Variants in TRPM6 observed in about 807,000 individuals in gnomAD.
TRPM6 encodes the protein transient receptor potential cation channel subfamily M member 6, also known as channel kinase 2.
TRPM6 carries 111 observed loss-of-function variants against 247.6 expected under a neutral mutation model. The ratio of observed to expected loss-of-function variants is 0.45; its 90% confidence interval spans 0.38 to 0.52. The LOEUF is 0.52. Ranked by LOEUF, TRPM6 falls within the 20% of genes least tolerant of loss-of-function variation. The pLI is 0.00. For synonymous variants in TRPM6, 892 were observed against 853.8 expected, an observed-to-expected ratio of 1.04 and a Z score of -0.78; for missense variants, 2,126 against 2,421.5, an observed-to-expected ratio of 0.88 and a Z score of 2.56.
rs191712243 is a variant in TRPM6 at position 74,864,789 on chromosome 9, G to T, written c.34-6041C>A. On this transcript the variant is annotated intron_variant, in intron 1 of 38. Transcript: ENST00000360774. ...GCAAAGGCATTTAGAACCTTGGAAT[G>T]AGGCCTGGTGCAGTGGCTCATGCCT... Among the ~76,000 whole-genome samples the T allele has an allele frequency of 3.6e-3, 544 of 152,294 alleles. 5 individuals are homozygous for T. Among genetic ancestry groups the T allele is most frequent in the African/African-American group, 0.012 (504 of 41,560 alleles).
chr9:74,773,842 T>A (rs1274716037), intron 24 of TRPM6, among the ~76,000 whole-genome samples: 10 of 152,236 alleles, frequency 6.6e-5, no homozygotes, highest in African/African-American at 2.4e-4. Flanking sequence ...AGGTATACAG[T>A]GCTTTCTGAT....
intron 1 of TRPM6, among the ~76,000 whole-genome samples, chr9:74,870,764 A>C (rs1247111705): frequency 2.6e-5 from 4 of 152,064 alleles, no homozygotes; most frequent in Non-Finnish European, 5.9e-5. Context: ...TCTCTACTAA[A>C]AATACAAAAA....
At position 74,738,474 on chromosome 9, in the gene TRPM6, C is replaced by T. The variant is rs143047185; in HGVS notation, c.5709G>A (p.Leu1903=). 2.7e-5 allele frequency: 44 copies of T among 1,614,168 alleles called. No individual in the cohort carries two copies. The African/African-American group carries it at 4.8e-4, about 18-fold the overall frequency. ...EITPTNTLEE[L]MLAFSHWTYE... is the part of the protein sequence containing the mutation. ...AGGTCCAGTGAGAGAAAGCCAACAT[C>T]AGCTCCTCCAGGGTGTTGGTGGGGG... The change falls in exon 36 of 39, where the codon CTG becomes CTA. Residue 1903 remains leucine (L), a synonymous_variant. Coordinates refer to ENST00000360774, the MANE Select transcript of TRPM6 (RefSeq NM_017662.5).
intron 1 of TRPM6, chr9:74,875,107 C>G (rs1393827979): frequency 5.6e-6 from 2 of 359,716 alleles, no homozygotes; most frequent in Non-Finnish European, 1.2e-5. Context: ...TTAGCCTCTT[C>G]CAGTTGCAAA....
rs750811519 is a variant in TRPM6, at chr9:74,887,800, G to T, written c.33+24C>A. The T allele has an allele frequency of 2.5e-6, 4 of 1,614,044 alleles. No homozygotes were observed. In the South Asian group the frequency reaches 4.4e-5, roughly 18 times the overall value. ...GAATCGCCTAAGGTCCTTGTTCCCC[G>T]CCAGTCGAGCAGCCTGAGCTTACCT... On this transcript the variant is annotated intron_variant, in intron 1 of 38. Transcript: ENST00000360774.
Position 74,827,860 on chromosome 9 carries a change from A to G in TRPM6, c.759T>C (p.Asp253=). 1 of 1,614,088 alleles carries G rather than the reference A, an allele frequency of 6.2e-7. No individual in the cohort carries two copies. The highest frequency in any genetic ancestry group is 8.5e-7 in the Non-Finnish European group (1 of 1,180,016). The stretch of plus-strand genomic sequence containing the variant: ...CATTTCCATACTTGCCCACGGTCCC[A>G]TCATCAGACAGGATGAAGTGCGAGT... ...SMHSHFILSD[D]GTVGKYGNEM... Residue 253 remains aspartate (D), a synonymous_variant, in exon 7 of 39, where the codon GAT becomes GAC. Transcript: ENST00000360774.
chr9:74,806,630 A>G (rs1828536712), intron 14 of TRPM6, among the ~76,000 whole-genome samples: 1 of 152,218 alleles, frequency 6.6e-6, no homozygotes, highest in Non-Finnish European at 1.5e-5. Flanking sequence ...TATCAGGAAC[A>G]TGGATTTTTC....
At chr9:74,885,183 G>A (rs1044665311) in intron 1 of TRPM6, among the ~76,000 whole-genome samples, 1 of 152,116 alleles carries the variant, frequency 6.6e-6, no homozygotes, top group African/African-American at 2.4e-5. Flanking sequence ...CATGTAGGGA[G>A]GCATAATAAT....
At chr9:74,840,709 C>T (rs374102804) in intron 4 of TRPM6, among the ~76,000 whole-genome samples, 85 of 151,720 alleles carry the variant, frequency 5.6e-4, no homozygotes, top group African/African-American at 1.9e-3. Flanking sequence ...CCCAGCTACC[C>T]GGGTGACTGA....
intron 1 of TRPM6, among the ~76,000 whole-genome samples, chr9:74,881,675 T>A (rs992238122): frequency 1.3e-5 from 2 of 152,150 alleles, no homozygotes; most frequent in Admixed American, 1.3e-4. Flanking sequence ...ATAGACTATA[T>A]GGTAAAACAC....
intron 19 of TRPM6, among the ~76,000 whole-genome samples, chr9:74,789,482 T>A (rs1456150579): frequency 6.6e-6 from 1 of 152,204 alleles, no homozygotes; most frequent in Non-Finnish European, 1.5e-5. Flanking sequence ...CTTATCTTCT[T>A]AAGATATAGT....
intron 5 of TRPM6, among the ~76,000 whole-genome samples, chr9:74,835,143 G>T (rs1829681533): frequency 6.6e-6 from 1 of 152,104 alleles, no homozygotes; most frequent in African/African-American, 2.4e-5. Context: ...GTGTGAGATG[G>T]TATCTCATTG....
intron 14 of TRPM6, chr9:74,804,920 A>G: frequency 3.2e-6 from 1 of 312,900 alleles, no homozygotes; most frequent in Admixed American, 4.7e-5. Flanking sequence ...TATGGAAAAT[A>G]AAGTTTAAAG....
chr9:74,775,922 G>T lies in TRPM6; in HGVS notation c.3364C>A (p.Arg1122=). ...CCCTCTTCTTGGTCGTGAGGAGCTC[G>T]ATGACAGCACAGGCGGCGGAGGAGA... ...GLLLRRLCCH[R]APHDQEEGDV... Residue 1122 remains arginine (R), a synonymous_variant, in exon 24 of 39, where the codon CGA becomes AGA. Coordinates refer to ENST00000360774, the MANE Select transcript of TRPM6 (RefSeq NM_017662.5). 6.2e-7 allele frequency: 1 copy of T among 1,614,176 alleles called. No homozygotes were observed. Among genetic ancestry groups the T allele is most frequent in the South Asian group, 1.1e-5 (1 of 91,086 alleles).
rs78959342 is a variant in TRPM6, at chr9:74,815,465, C to A, written c.1308+1204G>T. Among the ~76,000 whole-genome samples, 1,134 of 152,206 alleles carry A rather than the reference C, an allele frequency of 7.5e-3. 20 individuals are homozygous for A. The highest frequency in any genetic ancestry group is 0.026 in the African/African-American group (1,099 of 41,524). On this transcript the variant is annotated intron_variant, in intron 11 of 38. Coordinates refer to ENST00000360774, the MANE Select transcript of TRPM6 (RefSeq NM_017662.5). ...ACTCCCTTTCTCAGGAACTTATTGACACATGTATACCATCAAAATGAATGA... is the reference window on the plus strand; with the variant it reads ...ACTCCCTTTCTCAGGAACTTATTGAAACATGTATACCATCAAAATGAATGA...
chr9:74,794,400 C>T (rs906458823), intron 18 of TRPM6, among the ~76,000 whole-genome samples: 8 of 151,966 alleles, frequency 5.3e-5, no homozygotes, highest in East Asian at 1.9e-4. Context: ...GATGGGTTAT[C>T]GTCAGTGCCT....
intron 36 of TRPM6, among the ~76,000 whole-genome samples, chr9:74,735,683 G>A (rs1184398364): frequency 6.6e-6 from 1 of 152,046 alleles, no homozygotes; most frequent in African/African-American, 2.4e-5. Context: ...CCTGTTGCTG[G>A]GAACTAAAGG....
chr9:74,785,120 A>G (rs1158152237), intron 21 of TRPM6, among the ~76,000 whole-genome samples: 2 of 151,476 alleles, frequency 1.3e-5, no homozygotes, highest in African/African-American at 4.8e-5. Context: ...TAATGATGAT[A>G]ATAATAATAA....
At chr9:74,859,499 G>A (rs570550890) in intron 1 of TRPM6, among the ~76,000 whole-genome samples, 32 of 152,184 alleles carry the variant, frequency 2.1e-4, no homozygotes, top group South Asian at 2.1e-4. Flanking sequence ...CTAGCTGGGC[G>A]TGGTGGCTCA....
Sources: allele counts gnomAD v4.1 joint callset (sites outside exome capture counted in the v4.1 genomes callset), GRCh38; gene constraint gnomAD v4.1.1; transcripts MANE v1.5; gene names NCBI Gene and HGNC (gene_info 2026-07-23, HGNC 2026-07-21).